Variants in L3MBTL4 observed in about 807,000 individuals in gnomAD.
L3MBTL4 encodes L3MBTL histone methyl-lysine binding protein 4.
A neutral mutation model predicts 84.5 loss-of-function variants in L3MBTL4; 70 were observed. That is an observed-to-expected ratio of 0.83 (90% CI 0.68 to 1.01). The LOEUF is 1.01. Ranked by LOEUF, L3MBTL4 falls within the 50% of genes least tolerant of loss-of-function variation. L3MBTL4 has a pLI of 0.00. For missense variants in L3MBTL4, 715 were observed against 754.8 expected (o/e 0.95, Z 0.62); for synonymous variants, 274 against 259.8 (o/e 1.05, Z -0.52).
intron 1 of L3MBTL4, among the ~76,000 whole-genome samples, chr18:6,371,238 A>G (rs764830486): frequency 1.8e-4 from 28 of 152,224 alleles, no homozygotes; most frequent in Non-Finnish European, 3.7e-4. Context: ...CCACTAGGCT[A>G]TGGCTTGCCA....
intron 1 of L3MBTL4, chr18:6,326,562 T>G (rs1428174771): frequency 3.3e-5 from 5 of 152,236 alleles, no homozygotes; most frequent in Non-Finnish European, 7.3e-5. Context: ...AGGATCTGCC[T>G]CCTGGAAAAC....
At chr18:6,234,818 T>C (rs138141037) in intron 10 of L3MBTL4, among the ~76,000 whole-genome samples, 1,548 of 152,238 alleles carry the variant, frequency 0.01, 25 homozygotes, top group African/African-American at 0.036. Flanking sequence ...CATCACTGGG[T>C]ATATACCCAA....
intron 10 of L3MBTL4, among the ~76,000 whole-genome samples, chr18:6,223,676 T>A (rs2046657362): frequency 6.6e-6 from 1 of 152,220 alleles, no homozygotes; most frequent in Non-Finnish European, 1.5e-5. Context: ...TAGACTCCTA[T>A]GTAGCTACAT....
chr18:6,405,847 C>T (rs2055712792), intron 1 of L3MBTL4, among the ~76,000 whole-genome samples: 2 of 152,192 alleles, frequency 1.3e-5, no homozygotes, highest in Admixed American at 1.3e-4. Context: ...TGCAAAGAAG[C>T]CTCAAATTTG....
intron 12 of L3MBTL4, among the ~76,000 whole-genome samples, chr18:6,199,323 C>T (rs1301941712): frequency 6.6e-6 from 1 of 152,218 alleles, no homozygotes; most frequent in Non-Finnish European, 1.5e-5. Context: ...CCATATGTGG[C>T]TATTTCCACT....
At chr18:6,360,088 G>A (rs1396299972) in intron 1 of L3MBTL4, among the ~76,000 whole-genome samples, 1 of 152,218 alleles carries the variant, frequency 6.6e-6, no homozygotes, top group Non-Finnish European at 1.5e-5. Flanking sequence ...AGCCAGTTGA[G>A]GCTAGGAGCA....
At chr18:6,162,784 C>T (rs1051682622) in intron 13 of L3MBTL4, among the ~76,000 whole-genome samples, 13 of 152,054 alleles carry the variant, frequency 8.5e-5, no homozygotes, top group South Asian at 2.1e-4. Context: ...GTGATTTTCC[C>T]GTAAGAAAAG....
chr18:6,264,601 T>C (rs866516065), intron 4 of L3MBTL4, among the ~76,000 whole-genome samples: 3 of 152,276 alleles, frequency 2.0e-5, no homozygotes, highest in African/African-American at 7.2e-5. Context: ...CTGGCCAATA[T>C]GGTGAAACCC....
chr18:5,958,014 G>GAGT (rs141926445), intron 18 of L3MBTL4, among the ~76,000 whole-genome samples: 44,953 of 131,184 alleles, frequency 0.34, 9,204 homozygotes, highest in East Asian at 0.47. Context: ...GAAGGAGGAG[G>GAGT]AGGAGAAGGA....
intron 1 of L3MBTL4, among the ~76,000 whole-genome samples, chr18:6,356,181 G>A (rs1167745920): frequency 6.6e-6 from 1 of 152,202 alleles, no homozygotes; most frequent in African/African-American, 2.4e-5. Context: ...TGTTTGCACA[G>A]AGTCAGCATC....
chr18:6,019,241 A>C (rs1213998040), intron 16 of L3MBTL4, among the ~76,000 whole-genome samples: 1 of 152,204 alleles, frequency 6.6e-6, no homozygotes. Flanking sequence ...TATCTGGATG[A>C]ATAAAGATGA....
intron 1 of L3MBTL4, among the ~76,000 whole-genome samples, chr18:6,409,677 T>A (rs572226089): frequency 6.6e-6 from 1 of 152,238 alleles, no homozygotes; most frequent in African/African-American, 2.4e-5. Flanking sequence ...AAACCCACCA[T>A]CACCGAAAAG....
intron 13 of L3MBTL4, among the ~76,000 whole-genome samples, chr18:6,146,002 GAGA>G (rs2042635017): frequency 1.3e-5 from 2 of 152,232 alleles, no homozygotes; most frequent in African/African-American, 4.8e-5. Context: ...CGGGGAGGCA[GAGA>G]AGGAGTGCTG....
intron 16 of L3MBTL4, among the ~76,000 whole-genome samples, chr18:5,974,167 C>A (rs659898): frequency 0.68 from 102,805 of 152,000 alleles, 35,682 homozygotes; most frequent in African/African-American, 0.84. Context: ...ATGGGTGTTT[C>A]TTTTGGATTT....
At chr18:6,085,645 T>G (rs1002882949) in intron 15 of L3MBTL4, among the ~76,000 whole-genome samples, 6 of 152,226 alleles carry the variant, frequency 3.9e-5, no homozygotes, top group Non-Finnish European at 5.9e-5. Context: ...TGACACCCTG[T>G]GAAGAAGGTG....
At chr18:6,174,758 C>T (rs1052254947) in intron 12 of L3MBTL4, among the ~76,000 whole-genome samples, 5 of 151,066 alleles carry the variant, frequency 3.3e-5, no homozygotes, top group African/African-American at 1.2e-4. Context: ...TTCCCAGCTA[C>T]TTGGGAGGCT....
intron 16 of L3MBTL4, among the ~76,000 whole-genome samples, chr18:6,032,834 T>C (rs2055900679): frequency 1.3e-5 from 2 of 152,228 alleles, no homozygotes; most frequent in Non-Finnish European, 2.9e-5. Flanking sequence ...GCTTATTTCA[T>C]CTCACAGTTC....
At chr18:6,137,643 G>A (rs2060064039) in intron 14 of L3MBTL4, among the ~76,000 whole-genome samples, 1 of 152,054 alleles carries the variant, frequency 6.6e-6, no homozygotes, top group African/African-American at 2.4e-5. Flanking sequence ...CAATTGATGA[G>A]GATAGACAAA....
chr18:6,151,626 C>T (rs1280458650), intron 13 of L3MBTL4, among the ~76,000 whole-genome samples: 1 of 152,080 alleles, frequency 6.6e-6, no homozygotes, highest in African/African-American at 2.4e-5. Context: ...AACTCCTGAC[C>T]TCAGGTGATC....
Sources: gnomAD v4.1 joint callset for allele counts (sites outside exome capture counted in the v4.1 genomes callset) on GRCh38, gnomAD v4.1.1 for gene constraint, MANE v1.5 for transcripts, NCBI Gene and HGNC (gene_info 2026-07-23, HGNC 2026-07-21) for gene names.